DNAH7: variants seen among roughly 807,000 people sequenced by gnomAD.
DNAH7 encodes axonemal beta dynein heavy chain 7.
In DNAH7, 397 loss-of-function variants were observed where a neutral mutation model predicts 444.6. The observed-to-expected ratio is 0.89, with a 90% CI of 0.82 to 0.97. The LOEUF (loss-of-function observed/expected upper bound fraction) is 0.97. DNAH7 is among the 50% of genes least tolerant of loss of function. The pLI, the probability that DNAH7 is intolerant of heterozygous loss-of-function variation, is 0.00. For missense variants in DNAH7, 4,902 were observed against 4,800.8 expected (o/e 1.02, Z -0.62); for synonymous variants, 1,636 against 1,624.4 (o/e 1.01, Z -0.17).
chr2:196,019,373 A>C, intron 8 of DNAH7, 78 bp from the exon 9 acceptor site: 3 of 1,175,094 alleles, frequency 2.6e-6, no homozygotes, highest in Non-Finnish European at 3.4e-6. Flanking sequence ...GGTAATAATT[A>C]TTTAATTTTA....
rs961359174 is a variant in DNAH7 at position 195,796,621 on chromosome 2, A to G, written c.10470T>C (p.Cys3490=). The G allele has an allele frequency of 6.2e-7, 1 of 1,614,152 alleles. No homozygotes were observed. Among genetic ancestry groups the G allele is most frequent in the Non-Finnish European group, 8.5e-7 (1 of 1,180,008 alleles). ...KEGTWVVLQN[C]HLATSWMPTL... is the part of the protein sequence containing the mutation. ...TTGGCATCCAAGAGGTGGCAAGGTG[A>G]CAATTCTGAAGAACAACCCATGTTC... The change falls in exon 56 of 65, where the codon TGT becomes TGC. Residue 3490 remains cysteine (C), a synonymous_variant. Transcript: ENST00000312428.
Position 195,771,743 on chromosome 2 carries a change from C to T in DNAH7, c.11350G>A (p.Val3784Ile). The change falls in exon 61 of 65, where the codon GTA becomes ATA. Residue 3784 changes from valine (V) to isoleucine (I), a missense_variant. Coordinates refer to ENST00000312428, the MANE Select transcript of DNAH7 (RefSeq NM_018897.3). ...AACCGTCCCATCTCTTGGACAAGTA[C>T]AGTGTTCATGCTCTGAGTATAAGTT... ...PTTYTQSMNT[V>I]LVQEMGRFNK... The T allele has an allele frequency of 6.2e-7, 1 of 1,614,138 alleles. No individual in the cohort carries two copies. Among genetic ancestry groups the T allele is most frequent in the Non-Finnish European group, 8.5e-7 (1 of 1,180,034 alleles).
intron 12 of DNAH7, among the ~76,000 whole-genome samples, chr2:195,992,630 CATTTT>C (rs1693421374): frequency 6.6e-6 from 1 of 152,162 alleles, no homozygotes; most frequent in Non-Finnish European, 1.5e-5. Flanking sequence ...TTTAACTGTT[CATTTT>C]GAGGTTTGTT....
intron 49 of DNAH7, 68 bp from the exon 50 acceptor site, chr2:195,817,897 C>A: frequency 8.1e-7 from 1 of 1,232,670 alleles, no homozygotes; most frequent in South Asian, 1.6e-5. Flanking sequence ...TTTTATGTGT[C>A]AAGTTCTGCC....
At chr2:195,850,092 T>A (rs10497769) in intron 46 of DNAH7, among the ~76,000 whole-genome samples, 21 of 152,114 alleles carry the variant, frequency 1.4e-4, no homozygotes, top group Non-Finnish European at 2.8e-4. Context: ...TTGACAGGTA[T>A]AGTATGTTAC....
At chr2:195,915,470 A>G (rs981263273) in intron 24 of DNAH7, among the ~76,000 whole-genome samples, 2 of 152,240 alleles carry the variant, frequency 1.3e-5, no homozygotes, top group African/African-American at 4.8e-5. Context: ...CTCATATACT[A>G]TATCAGAACT....
chr2:195,869,839 G>C (rs1474585870), intron 40 of DNAH7, among the ~76,000 whole-genome samples: 1 of 152,084 alleles, frequency 6.6e-6, no homozygotes, highest in African/African-American at 2.4e-5. Context: ...GCTAATACAA[G>C]GTTTTGAGCT....
Position 195,857,376 on chromosome 2 carries a change from C to T in DNAH7, c.8414+1G>A, listed in dbSNP as rs1169010067. 2 of 1,558,258 alleles carry T rather than the reference C, an allele frequency of 1.3e-6. No individual in the cohort carries two copies. The highest frequency in any genetic ancestry group is 4.5e-5 in the East Asian group (2 of 44,568). ...CTGGATTTCTTTTTATCAGCACTTA[C>T]TTATCATATGAATCCATTGCTATGA... On this transcript the variant is annotated splice_donor_variant, in intron 44 of 64. Transcript: ENST00000312428. LOFTEE classifies it high-confidence loss of function.
At chr2:195,956,021 T>C (rs1690626851) in intron 19 of DNAH7, among the ~76,000 whole-genome samples, 1 of 152,180 alleles carries the variant, frequency 6.6e-6, no homozygotes, top group Admixed American at 6.5e-5. Flanking sequence ...AAAAGATTTG[T>C]TTCAGGTATT....
At chr2:195,993,814 A>G (rs997004867) in intron 12 of DNAH7, among the ~76,000 whole-genome samples, 8 of 152,250 alleles carry the variant, frequency 5.3e-5, no homozygotes, top group African/African-American at 1.9e-4. Context: ...AAAGGCATAC[A>G]TTCTGTGGAG....
At chr2:196,010,176 G>C (rs928789551) in intron 10 of DNAH7, among the ~76,000 whole-genome samples, 3 of 148,606 alleles carry the variant, frequency 2.0e-5, no homozygotes, top group Admixed American at 6.8e-5. Context: ...TTGAGCCAGA[G>C]TCTTGCTCAG....
chr2:195,788,969 C>T (rs1695749894), intron 57 of DNAH7, among the ~76,000 whole-genome samples: 1 of 152,132 alleles, frequency 6.6e-6, no homozygotes, highest in African/African-American at 2.4e-5. Flanking sequence ...CAAGAAAATA[C>T]AGACAGATAA....
At chr2:195,937,658 C>G (rs553398928) in intron 19 of DNAH7, among the ~76,000 whole-genome samples, 4 of 152,048 alleles carry the variant, frequency 2.6e-5, no homozygotes, top group African/African-American at 9.7e-5. Context: ...TATAAAAATA[C>G]AGCCTAGATA....
rs1165688320 is a variant in DNAH7 at position 195,737,991 on chromosome 2, A to G, written c.12005T>C (p.Leu4002Pro). 1.2e-6 allele frequency: 2 copies of G among 1,614,110 alleles called. No homozygotes were observed. The highest frequency in any genetic ancestry group is 2.2e-5 in the East Asian group (1 of 44,884). ...HSTNFVIAMT[L>P]PSDQPKEHWI... Reference sequence around the variant, plus strand: ...GTGTTCCTTGGGTTGGTCAGAGGGAAGAGTCATGGCAATCACAAAATTCGT... The same window carrying G: ...GTGTTCCTTGGGTTGGTCAGAGGGAGGAGTCATGGCAATCACAAAATTCGT... Residue 4002 changes from leucine (L) to proline (P), a missense_variant, in exon 65 of 65, where the codon CTT becomes CCT. Transcript: ENST00000312428.
chr2:195,759,312 C>T (rs985358237), intron 61 of DNAH7, among the ~76,000 whole-genome samples: 1 of 152,110 alleles, frequency 6.6e-6, no homozygotes, highest in Non-Finnish European at 1.5e-5. Flanking sequence ...AACCTGCACT[C>T]TTGAAGGGAA....
chr2:195,793,838 A>G (rs983461060), intron 57 of DNAH7, among the ~76,000 whole-genome samples: 1 of 152,190 alleles, frequency 6.6e-6, no homozygotes, highest in Non-Finnish European at 1.5e-5. Context: ...CACGTACACA[A>G]TTCTAATCAT....
intron 49 of DNAH7, among the ~76,000 whole-genome samples, chr2:195,821,644 C>T (rs1009764046): frequency 3.3e-5 from 5 of 152,182 alleles, no homozygotes; most frequent in South Asian, 2.1e-4. Flanking sequence ...AAGAGCAGAA[C>T]GTATGGTAAG....
chr2:196,029,344 T>G (rs1695891151), intron 5 of DNAH7, among the ~76,000 whole-genome samples: 1 of 152,102 alleles, frequency 6.6e-6, no homozygotes, highest in Non-Finnish European at 1.5e-5. Context: ...TCATTCTCTG[T>G]GTGAATAACG....
chr2:195,981,595 G>A lies in DNAH7; in HGVS notation c.1833+3037C>T, dbSNP rs1574942682. On this transcript the variant is annotated intron_variant, in intron 15 of 64. Transcript: ENST00000312428. The stretch of plus-strand genomic sequence containing the variant: ...AGAGCTACAGTAACCAAAATAGCAT[G>A]GTGCTTGCAGAAAAACTGACACACA... 2.6e-5 allele frequency among the ~76,000 whole-genome samples: 4 copies of A among 152,206 alleles called. No homozygotes were observed. In the East Asian group the frequency reaches 7.7e-4, roughly 29 times the overall value.
Sources: allele counts gnomAD v4.1 joint callset (sites outside exome capture counted in the v4.1 genomes callset), GRCh38; gene constraint gnomAD v4.1.1; transcripts MANE v1.5; gene names NCBI Gene and HGNC (gene_info 2026-07-23, HGNC 2026-07-21).